CELF2: variants seen among roughly 807,000 people sequenced by gnomAD.
CELF2 encodes the protein CUGBP Elav-like family member 2.
Under a neutral mutation model 62.6 loss-of-function variants are expected in CELF2, and 8 were observed. That is an observed-to-expected ratio of 0.13 (90% CI 0.07 to 0.23). The LOEUF is 0.23. Among genes scored for constraint, CELF2 ranks in the 10% least tolerant of loss-of-function variants. The pLI, the probability that CELF2 is intolerant of heterozygous loss-of-function variation, is 1.00. For missense variants in CELF2, 333 were observed against 671.0 expected, an observed-to-expected ratio of 0.50 and a Z score of 5.56; for synonymous variants, 258 against 250.0, an observed-to-expected ratio of 1.03 and a Z score of -0.30.
intron 1 of CELF2, among the ~76,000 whole-genome samples, chr10:10,840,329 A>G (rs186735545): frequency 1.9e-4 from 29 of 152,354 alleles, no homozygotes; most frequent in Admixed American, 5.2e-4. Context: ...TTCACCAGCA[A>G]TGAATGAGAG....
rs1483752940 is a variant in CELF2 at position 11,242,117 on chromosome 10, A to G, written c.355-7036A>G. 3.9e-5 allele frequency among the ~76,000 whole-genome samples: 6 copies of G among 152,242 alleles called. No individual in the cohort carries two copies. Among genetic ancestry groups the G allele is most frequent in the African/African-American group, 1.4e-4 (6 of 41,544 alleles). ...CCATCCCCTCTCTCTACTTTTAAATATTTTATGGGCAGTAAGCTCACAATA... is the reference window on the plus strand; with the variant it reads ...CCATCCCCTCTCTCTACTTTTAAATGTTTTATGGGCAGTAAGCTCACAATA... On this transcript the variant is annotated intron_variant, in intron 3 of 12. Transcript: ENST00000633077. The surrounding 1 kb of genome is among the most constrained non-coding windows in gnomAD (Gnocchi z 4.8).
chr10:10,988,377 A>G (rs2053051208), intron 2 of CELF2, among the ~76,000 whole-genome samples: 1 of 152,184 alleles, frequency 6.6e-6, no homozygotes, highest in East Asian at 1.9e-4. Context: ...ACTTGGTTGG[A>G]GCCAGAGGCC....
intron 2 of CELF2, among the ~76,000 whole-genome samples, chr10:11,173,828 G>A (rs1393256935): frequency 6.6e-6 from 1 of 152,198 alleles, no homozygotes; most frequent in East Asian, 1.9e-4. Flanking sequence ...TGGAACCTAA[G>A]AAGGGCTGGA....
At chr10:10,485,973 G>A in the CELF2 span, among the ~76,000 whole-genome samples, 8 of 152,220 alleles carry the variant, frequency 5.3e-5, no homozygotes, top group Admixed American at 4.6e-4. Flanking sequence ...ATACTCAGCA[G>A]TCATGTCAAG....
At chr10:10,559,747 A>C in the CELF2 span, among the ~76,000 whole-genome samples, 18,668 of 152,190 alleles carry the variant, frequency 0.12, 1,419 homozygotes, top group Non-Finnish European at 0.17. Flanking sequence ...TTCATAGCAA[A>C]TAACAAGAAA....
rs577209219 is a variant in CELF2 at position 11,333,547 on chromosome 10, A to T, written c.*4494A>T. 1.3e-5 allele frequency: 2 copies of T among 152,352 alleles called. No homozygotes were observed. The highest frequency in any genetic ancestry group is 2.4e-5 in the African/African-American group (1 of 41,460). 9.4% of individuals were successfully genotyped at this position (152,352 alleles called of 1,614,324 possible). A position where few individuals can be genotyped will look rare whatever the true frequency, so the allele number is the denominator to read the frequency against. Reference sequence around the variant, plus strand: ...TATTATCTTAAGTGCTAATTAAAAAAAAAATAAAATTTTAAAAAAACCTGT... The same window carrying T: ...TATTATCTTAAGTGCTAATTAAAAATAAAATAAAATTTTAAAAAAACCTGT... On this transcript the variant is annotated 3_prime_UTR_variant, in exon 13 of 13. Coordinates refer to ENST00000633077, the MANE Select transcript of CELF2 (RefSeq NM_001326342.2).
chr10:10,855,689 G>T (rs1272041920), intron 1 of CELF2, among the ~76,000 whole-genome samples: 5 of 152,176 alleles, frequency 3.3e-5, no homozygotes, highest in African/African-American at 2.4e-5. Context: ...TTTCTCCATG[G>T]TAGCAGTTGC....
intron 4 of CELF2, 104 bp from the exon 5 acceptor site, chr10:11,257,634 T>G: frequency 1.5e-6 from 2 of 1,339,874 alleles, no homozygotes; most frequent in Non-Finnish European, 2.1e-6. Context: ...GGACACGTGC[T>G]TGGTCTCACA....
chr10:10,970,708 A>C (rs562624233), intron 2 of CELF2: 2 of 152,252 alleles, frequency 1.3e-5, no homozygotes, highest in African/African-American at 2.4e-5. Flanking sequence ...GAAATCCTTG[A>C]CTCACCTCTT....
the CELF2 span, among the ~76,000 whole-genome samples, chr10:10,615,149 G>A: frequency 0.031 from 4,717 of 152,128 alleles, 245 homozygotes; most frequent in African/African-American, 0.11. Context: ...AATTTATAAA[G>A]CCATGAAGTA....
At chr10:11,122,070 C>G (rs2057868197) in intron 1 of CELF2, among the ~76,000 whole-genome samples, 1 of 152,226 alleles carries the variant, frequency 6.6e-6, no homozygotes, top group East Asian at 1.9e-4. Flanking sequence ...ATTGAGGCAT[C>G]TCTGGCAAAT....
chr10:11,327,329 ATGATT>A (rs1036054795), intron 12 of CELF2, among the ~76,000 whole-genome samples: 1 of 152,140 alleles, frequency 6.6e-6, no homozygotes, highest in African/African-American at 2.4e-5. Flanking sequence ...ATTCTGCTTC[ATGATT>A]TGATTTGAGA....
intron 2 of CELF2, among the ~76,000 whole-genome samples, chr10:11,206,423 T>C (rs953409396): frequency 1.3e-5 from 2 of 152,282 alleles, no homozygotes; most frequent in African/African-American, 4.8e-5. Flanking sequence ...TTTCTTCTAA[T>C]GAGGTCCCTC....
chr10:11,129,570 G>A (rs1015378335), intron 1 of CELF2, among the ~76,000 whole-genome samples: 68 of 152,222 alleles, frequency 4.5e-4, no homozygotes, highest in African/African-American at 1.4e-3. Flanking sequence ...TTAATGGTCT[G>A]TTCAGAGATT....
At chr10:10,683,737 G>T in the CELF2 span, among the ~76,000 whole-genome samples, 1 of 152,140 alleles carries the variant, frequency 6.6e-6, no homozygotes, top group East Asian at 1.9e-4. Flanking sequence ...TGATGGGCTT[G>T]GTTATGAAAG....
chr10:10,974,437 A>G (rs1389314179), intron 2 of CELF2, among the ~76,000 whole-genome samples: 1 of 152,200 alleles, frequency 6.6e-6, no homozygotes, highest in Non-Finnish European at 1.5e-5. Flanking sequence ...TAGAAAGGAC[A>G]AGGTATTTAG....
In CELF2 at chr10:11,242,454, G is replaced by A. The variant is rs2074244171; in HGVS notation, c.355-6699G>A. Among the ~76,000 whole-genome samples the A allele has an allele frequency of 6.6e-6, 1 of 152,134 alleles. No individual in the cohort carries two copies. The highest frequency in any genetic ancestry group is 1.5e-5 in the Non-Finnish European group (1 of 68,008). On this transcript the variant is annotated intron_variant, in intron 3 of 12. Transcript: ENST00000633077. This position sits in a 1 kb window ranked among gnomAD's most constrained non-coding sequence, Gnocchi z 4.8. ...CAGCAGAGACCCACCGAGGCAGAGG[G>A]CTTCAGAGAGCCCCACGAGGTTGTG...
At chr10:11,146,994 A>G (rs1347990089) in intron 1 of CELF2, among the ~76,000 whole-genome samples, 1 of 152,236 alleles carries the variant, frequency 6.6e-6, no homozygotes, top group East Asian at 1.9e-4. Context: ...TCAGATTGCA[A>G]GATGCCTAAA....
intron 1 of CELF2, among the ~76,000 whole-genome samples, chr10:10,859,748 A>T (rs1318132067): frequency 6.6e-6 from 1 of 152,114 alleles, no homozygotes; most frequent in African/African-American, 2.4e-5. Flanking sequence ...AATTTTTGAG[A>T]TTTGAAGCAA....
Sources: allele counts gnomAD v4.1 joint callset (sites outside exome capture counted in the v4.1 genomes callset), GRCh38; gene constraint gnomAD v4.1.1; non-coding constraint Gnocchi (gnomAD v3.1); transcripts MANE v1.5; gene names NCBI Gene and HGNC (gene_info 2026-07-23, HGNC 2026-07-21).